ST8SIA6: variants seen among roughly 807,000 people sequenced by gnomAD.
ST8SIA6 encodes the protein ST8 alpha-N-acetyl-neuraminide alpha-2,8-sialyltransferase 6, also known as alpha-2,8-sialyltransferase 8F.
Under a neutral mutation model 33.6 loss-of-function variants are expected in ST8SIA6, and 39 were observed. The observed-to-expected ratio is 1.16, with a 90% CI of 0.90 to 1.52. The LOEUF (loss-of-function observed/expected upper bound fraction) is 1.52. Ranked by LOEUF, ST8SIA6 falls within the 40% of genes most tolerant of loss-of-function variation. The pLI is 0.00. For missense variants in ST8SIA6, 441 were observed against 443.8 expected, an observed-to-expected ratio of 0.99 and a Z score of 0.06; for synonymous variants, 172 against 167.2, an observed-to-expected ratio of 1.03 and a Z score of -0.22.
chr10:17,387,311 G>T (rs1356577130), intron 3 of ST8SIA6, among the ~76,000 whole-genome samples: 1 of 151,792 alleles, frequency 6.6e-6, no homozygotes. Flanking sequence ...GAGTGCAGTG[G>T]CGTGATCTTG....
rs1847777945 is a variant in ST8SIA6, at chr10:17,316,418, C to T, written c.*4460G>A. Among the ~76,000 whole-genome samples, 1 of 152,070 alleles carries T rather than the reference C, an allele frequency of 6.6e-6. No homozygotes were observed. Among genetic ancestry groups the T allele is most frequent in the African/African-American group, 2.4e-5 (1 of 41,442 alleles). ...CACTGACTTCCGAAGAGACAGATAT[C>T]TGTGAGTCCAATTTGTCTACTTACT... is the stretch of plus-strand genomic sequence containing the variant. On this transcript the variant is annotated 3_prime_UTR_variant, in exon 8 of 8. Transcript: ENST00000377602.
chr10:17,321,430 T>C (rs1317060817), intron 7 of ST8SIA6, 84 bp from the exon 8 acceptor site: 16 of 1,158,008 alleles, frequency 1.4e-5, no homozygotes, highest in South Asian at 1.6e-5. Context: ...GAATTTACCA[T>C]TGGTCAAAAC....
At position 17,315,947 on chromosome 10, in the gene ST8SIA6, T is replaced by C. The variant is rs1588765005; in HGVS notation, c.*4931A>G. Among the ~76,000 whole-genome samples the C allele has an allele frequency of 6.6e-6, 1 of 152,040 alleles. No homozygotes were observed. The highest frequency in any genetic ancestry group is 1.5e-5 in the Non-Finnish European group (1 of 67,916). Reference sequence around the variant, plus strand: ...TTATAATTGCATAATGGAAATAATATTGGCTTTAGAGTCAGACATATGAGT... The same window carrying C: ...TTATAATTGCATAATGGAAATAATACTGGCTTTAGAGTCAGACATATGAGT... On this transcript the variant is annotated 3_prime_UTR_variant, in exon 8 of 8. Transcript: ENST00000377602.
At position 17,377,513 on chromosome 10, in the gene ST8SIA6, A is replaced by C. The variant is rs185181520; in HGVS notation, c.290+13018T>G. Among the ~76,000 whole-genome samples, 7 of 152,332 alleles carry C rather than the reference A, an allele frequency of 4.6e-5. No individual in the cohort carries two copies. In the East Asian group the frequency reaches 1.4e-3, roughly 29 times the overall value. On this transcript the variant is annotated intron_variant, in intron 3 of 7. Coordinates refer to ENST00000377602, the MANE Select transcript of ST8SIA6 (RefSeq NM_001004470.3). ...TATGTGCTGCACCCTTGTGATTGGCACCAGGGGATAGGCATGTGAACAAGA... is the reference window on the plus strand; with the variant it reads ...TATGTGCTGCACCCTTGTGATTGGCCCCAGGGGATAGGCATGTGAACAAGA...
At chr10:17,325,829 T>C (rs1564400360) in intron 6 of ST8SIA6, among the ~76,000 whole-genome samples, 1 of 152,212 alleles carries the variant, frequency 6.6e-6, no homozygotes, top group African/African-American at 2.4e-5. Context: ...TTTAGAATTA[T>C]AAGTGAAATA....
intron 6 of ST8SIA6, 54 bp from the exon 7 acceptor site, chr10:17,323,211 G>C: frequency 7.4e-7 from 1 of 1,352,576 alleles, no homozygotes; most frequent in African/African-American, 1.5e-5. Context: ...AAAAAAGATT[G>C]TATACACACA....
intron 4 of ST8SIA6, among the ~76,000 whole-genome samples, chr10:17,357,972 A>G (rs555365331): frequency 1.3e-5 from 2 of 152,176 alleles, no homozygotes; most frequent in South Asian, 2.1e-4. Flanking sequence ...TGATTGTGCA[A>G]TTTTCAATCT....
At chr10:17,335,415 TGTCAAG>T (rs1270127201) in intron 4 of ST8SIA6, among the ~76,000 whole-genome samples, 1 of 152,236 alleles carries the variant, frequency 6.6e-6, no homozygotes, top group Non-Finnish European at 1.5e-5. Context: ...CGATCTAATT[TGTCAAG>T]GTCATCTAAA....
chr10:17,399,744 C>T (rs1465685758), intron 2 of ST8SIA6, among the ~76,000 whole-genome samples: 1 of 151,726 alleles, frequency 6.6e-6, no homozygotes, highest in African/African-American at 2.4e-5. Context: ...TAGTGAGACT[C>T]CTGTCTCTAT....
intron 3 of ST8SIA6, among the ~76,000 whole-genome samples, chr10:17,388,739 C>A (rs969381493): frequency 1.3e-5 from 2 of 152,122 alleles, no homozygotes; most frequent in African/African-American, 4.8e-5. Flanking sequence ...TTGTTTATTC[C>A]TGGGTGTAGG....
chr10:17,363,840 C>T (rs2131622831), intron 3 of ST8SIA6, among the ~76,000 whole-genome samples: 1 of 152,224 alleles, frequency 6.6e-6, no homozygotes, highest in East Asian at 1.9e-4. Context: ...ACTTCTCATC[C>T]CAGCTGTGAG....
At chr10:17,390,836 C>T (rs985504755) in intron 2 of ST8SIA6, among the ~76,000 whole-genome samples, 6 of 145,432 alleles carry the variant, frequency 4.1e-5, no homozygotes, top group African/African-American at 1.5e-4. Flanking sequence ...TAAAGTCAAA[C>T]ATAAGAGAAC....
chr10:17,400,258 T>G (rs1192818760), intron 2 of ST8SIA6, among the ~76,000 whole-genome samples: 1 of 152,078 alleles, frequency 6.6e-6, no homozygotes, highest in Admixed American at 6.6e-5. Flanking sequence ...TCTGGCCAGG[T>G]GCATTGGCTC....
At chr10:17,371,539 C>A (rs1011451909) in intron 3 of ST8SIA6, among the ~76,000 whole-genome samples, 1 of 151,812 alleles carries the variant, frequency 6.6e-6, no homozygotes, top group Non-Finnish European at 1.5e-5. Flanking sequence ...AATCTCAACA[C>A]CTTGGAAGGG....
intron 2 of ST8SIA6, among the ~76,000 whole-genome samples, chr10:17,418,275 G>T (rs1851664938): frequency 1.3e-5 from 2 of 151,696 alleles, no homozygotes; most frequent in African/African-American, 4.8e-5. Flanking sequence ...TGTTCCGGCT[G>T]GTCTCAAGCT....
intron 3 of ST8SIA6, among the ~76,000 whole-genome samples, chr10:17,384,703 A>T (rs1252798005): frequency 1.3e-5 from 2 of 152,194 alleles, no homozygotes; most frequent in Non-Finnish European, 1.5e-5. Context: ...TCTTCAAACC[A>T]TGAGAACTGA....
chr10:17,363,290 A>ACGTG (rs144508109), intron 3 of ST8SIA6, among the ~76,000 whole-genome samples: 1 of 150,790 alleles, frequency 6.6e-6, no homozygotes, highest in Non-Finnish European at 1.5e-5. Flanking sequence ...AGGCATGCAT[A>ACGTG]TGTGTGTGTG....
intron 2 of ST8SIA6, among the ~76,000 whole-genome samples, chr10:17,453,185 GAA>G (rs1207034192): frequency 6.9e-6 from 1 of 143,926 alleles, no homozygotes; most frequent in Non-Finnish European, 1.5e-5. Flanking sequence ...GCATAGAAAA[GAA>G]AAAGCAAACC....
At chr10:17,418,752 G>C (rs1485402126) in intron 2 of ST8SIA6, among the ~76,000 whole-genome samples, 1 of 152,116 alleles carries the variant, frequency 6.6e-6, no homozygotes, top group Admixed American at 6.5e-5. Context: ...CAGCACTTTG[G>C]GAGGCCGAGG....
Sources: gnomAD v4.1 joint callset for allele counts (sites outside exome capture counted in the v4.1 genomes callset) on GRCh38, gnomAD v4.1.1 for gene constraint, MANE v1.5 for transcripts, NCBI Gene and HGNC (gene_info 2026-07-23, HGNC 2026-07-21) for gene names.